Variants in WWOX observed in about 807,000 individuals in gnomAD.
The protein encoded by WWOX is WW domain-containing oxidoreductase.
WWOX carries 69 observed loss-of-function variants against 46.2 expected under a neutral mutation model. The ratio of observed to expected loss-of-function variants is 1.49; its 90% CI spans 1.23 to 1.82. The LOEUF (loss-of-function observed/expected upper bound fraction) is 1.82. Among genes scored for constraint, WWOX ranks in the 40% most tolerant of loss-of-function variants. The pLI is 0.00. For synonymous variants in WWOX, 359 were observed against 202.6 expected, an observed-to-expected ratio of 1.77 and a Z score of -6.56; for missense variants, 919 against 542.6, an observed-to-expected ratio of 1.69 and a Z score of -6.89.
chr16:78,256,354 T>C (rs987682848), intron 5 of WWOX, among the ~76,000 whole-genome samples: 24 of 151,944 alleles, frequency 1.6e-4, no homozygotes, highest in African/African-American at 5.6e-4. Flanking sequence ...TACTGGCCTC[T>C]ACCGCTTCAC....
intron 8 of WWOX, among the ~76,000 whole-genome samples, chr16:78,745,107 G>A (rs2049317891): frequency 6.6e-6 from 1 of 152,156 alleles, no homozygotes; most frequent in Admixed American, 6.5e-5. Flanking sequence ...ACTGACTATA[G>A]GAGCCAAGAC....
intron 8 of WWOX, among the ~76,000 whole-genome samples, chr16:78,616,515 AC>A (rs1289111556): frequency 6.8e-6 from 1 of 148,092 alleles, no homozygotes; most frequent in Non-Finnish European, 1.5e-5. Flanking sequence ...TAATCCCAGC[AC>A]TTTGGGAGGC....
chr16:78,660,722 A>C (rs1350294353), intron 8 of WWOX, among the ~76,000 whole-genome samples: 1 of 152,146 alleles, frequency 6.6e-6, no homozygotes, highest in African/African-American at 2.4e-5. Context: ...CTCTCTCCAA[A>C]AGAGGCAGCC....
At chr16:78,897,607 C>G (rs554639874) in intron 8 of WWOX, 2 of 152,188 alleles carry the variant, frequency 1.3e-5, no homozygotes, top group African/African-American at 4.8e-5. Flanking sequence ...TATTTGTTGG[C>G]TATTATGAAT....
chr16:78,481,507 G>T (rs1000534278), intron 8 of WWOX, among the ~76,000 whole-genome samples: 2 of 152,022 alleles, frequency 1.3e-5, no homozygotes, highest in Admixed American at 6.6e-5. Flanking sequence ...ATGTTCGTTT[G>T]TTTATCATTA....
At chr16:78,977,347 C>G (rs80115102) in intron 8 of WWOX, among the ~76,000 whole-genome samples, 2 of 152,160 alleles carry the variant, frequency 1.3e-5, no homozygotes, top group Admixed American at 1.3e-4. Context: ...GCCTGAGATC[C>G]TCCAGATCCT....
At chr16:78,936,304 A>C (rs2045736028) in intron 8 of WWOX, among the ~76,000 whole-genome samples, 1 of 152,176 alleles carries the variant, frequency 6.6e-6, no homozygotes, top group Non-Finnish European at 1.5e-5. Context: ...GCTGCGTCCC[A>C]AGTGGTCCAT....
intron 8 of WWOX, among the ~76,000 whole-genome samples, chr16:78,879,957 G>A (rs1350123823): frequency 2.0e-5 from 3 of 151,972 alleles, no homozygotes; most frequent in Non-Finnish European, 4.4e-5. Context: ...TTTAGTTTAA[G>A]CCTCACATTT....
At chr16:78,577,764 G>T (rs542146388) in intron 8 of WWOX, among the ~76,000 whole-genome samples, 16 of 152,260 alleles carry the variant, frequency 1.1e-4, no homozygotes, top group African/African-American at 3.6e-4. Context: ...TGCGGAAGGT[G>T]CCACTTTGCG....
chr16:79,062,189 G>A (rs1474122125), intron 8 of WWOX, among the ~76,000 whole-genome samples: 2 of 152,214 alleles, frequency 1.3e-5, no homozygotes, highest in East Asian at 3.8e-4. Flanking sequence ...GGAGACTGGG[G>A]AGAGGGAAAG....
At chr16:78,565,304 C>G (rs2044538438) in intron 8 of WWOX, among the ~76,000 whole-genome samples, 1 of 152,196 alleles carries the variant, frequency 6.6e-6, no homozygotes, top group East Asian at 1.9e-4. Context: ...AGTTCAAAAT[C>G]AGTCTCACCT....
chr16:79,143,986 T>A (rs149614163), intron 8 of WWOX, among the ~76,000 whole-genome samples: 210 of 152,294 alleles, frequency 1.4e-3, no homozygotes, highest in African/African-American at 4.9e-3. Flanking sequence ...CTCACTGCAA[T>A]CTTGAACTCC....
intron 8 of WWOX, among the ~76,000 whole-genome samples, chr16:78,713,452 T>C (rs962238035): frequency 1.3e-5 from 2 of 152,068 alleles, no homozygotes; most frequent in African/African-American, 4.8e-5. Context: ...CCAAAATTCA[T>C]GTGATGAAGC....
intron 8 of WWOX, among the ~76,000 whole-genome samples, chr16:78,441,283 C>G (rs1467456697): frequency 1.3e-5 from 2 of 152,272 alleles, no homozygotes; most frequent in Non-Finnish European, 1.5e-5. Context: ...TGCCTTCACA[C>G]TACTGTATCC....
intron 6 of WWOX, among the ~76,000 whole-genome samples, chr16:78,414,868 AC>A (rs1250021705): frequency 6.6e-6 from 1 of 152,154 alleles, no homozygotes; most frequent in Non-Finnish European, 1.5e-5. Context: ...CTAACCAGTT[AC>A]CGGAAACGGG....
intron 8 of WWOX, among the ~76,000 whole-genome samples, chr16:79,104,958 G>A (rs539534947): frequency 1.3e-5 from 2 of 152,314 alleles, no homozygotes; most frequent in East Asian, 1.9e-4. Flanking sequence ...GGGTCAGGGG[G>A]AGGGTGCACC....
At chr16:78,893,032 G>A (rs8048092) in intron 8 of WWOX, among the ~76,000 whole-genome samples, 2 of 151,966 alleles carry the variant, frequency 1.3e-5, no homozygotes, top group Non-Finnish European at 2.9e-5. Flanking sequence ...TAGCAGAGCA[G>A]GGGTCCTCAA....
At chr16:78,826,929 C>T (rs74568670) in intron 8 of WWOX, among the ~76,000 whole-genome samples, 217 of 152,302 alleles carry the variant, frequency 1.4e-3, no homozygotes, top group African/African-American at 4.7e-3. Flanking sequence ...ACATGCCGGA[C>T]ACCAAGCTAT....
intron 5 of WWOX, among the ~76,000 whole-genome samples, chr16:78,269,866 A>T (rs890170619): frequency 1.3e-5 from 2 of 148,826 alleles, no homozygotes; most frequent in Admixed American, 1.3e-4. Context: ...ATGTCACCGT[A>T]TTAGTTTTCA....
Sources: allele counts gnomAD v4.1 joint callset (sites outside exome capture counted in the v4.1 genomes callset), GRCh38; gene constraint gnomAD v4.1.1; transcripts MANE v1.5; gene names NCBI Gene and HGNC (gene_info 2026-07-23, HGNC 2026-07-21).